Variants in LRBA observed in about 807,000 individuals in gnomAD.
LRBA encodes LPS responsive beige-like anchor protein.
Under a neutral mutation model 330.0 loss-of-function variants are expected in LRBA, and 176 were observed. That is an observed-to-expected ratio of 0.53 (90% CI 0.47 to 0.60). The LOEUF (loss-of-function observed/expected upper bound fraction) is 0.60, where lower values mean the gene tolerates loss of function less well. LRBA is among the 20% of genes least tolerant of loss of function. LRBA has a pLI of 0.00. For synonymous variants in LRBA, 1,230 were observed against 1,193.0 expected, an observed-to-expected ratio of 1.03 and a Z score of -0.64; for missense variants, 3,259 against 3,444.8, an observed-to-expected ratio of 0.95 and a Z score of 1.35.
intron 2 of LRBA, chr4:151,013,814 T>C (rs1018078824): frequency 2.6e-5 from 4 of 152,058 alleles, no homozygotes; most frequent in African/African-American, 9.7e-5. Flanking sequence ...AAAATTATAC[T>C]GTATCTGCTT....
intron 20 of LRBA, 48 bp from the exon 21 acceptor site, chr4:150,868,353 T>C: frequency 7.0e-7 from 1 of 1,421,868 alleles, no homozygotes; most frequent in Non-Finnish European, 9.6e-7. Context: ...AACAAAAAAC[T>C]CATGATAGAA....
At chr4:150,840,381 AT>A (rs1748879543) in intron 28 of LRBA, among the ~76,000 whole-genome samples, 1 of 152,146 alleles carries the variant, frequency 6.6e-6, no homozygotes, top group African/African-American at 2.4e-5. Context: ...CTAGCTTTTT[AT>A]TTAAAGTGAG....
intron 35 of LRBA, among the ~76,000 whole-genome samples, chr4:150,737,620 GA>G (rs887539822): frequency 1.1e-4 from 17 of 151,844 alleles, no homozygotes; most frequent in African/African-American, 3.9e-4. Context: ...AAAGGGTCAA[GA>G]GTATACCACT....
chr4:150,986,910 C>A (rs985059742), intron 2 of LRBA, among the ~76,000 whole-genome samples: 1 of 152,156 alleles, frequency 6.6e-6, no homozygotes, highest in African/African-American at 2.4e-5. Flanking sequence ...TCTGTGGAAA[C>A]TTCCACCTTC....
chr4:150,817,031 G>GA, intron 31 of LRBA, 93 bp downstream of exon 31: 1 of 1,051,600 alleles, frequency 9.5e-7, no homozygotes, highest in South Asian at 1.4e-5. Flanking sequence ...GGTTTCTAAT[G>GA]TGCCCCCAAA....
chr4:150,964,150 C>T (rs1285206121), intron 2 of LRBA, among the ~76,000 whole-genome samples: 1 of 148,344 alleles, frequency 6.7e-6, no homozygotes. Context: ...GCCCGGCCAG[C>T]TGCCCCGTCT....
intron 40 of LRBA, chr4:150,584,296 A>T: frequency 1.9e-6 from 1 of 537,932 alleles, no homozygotes; most frequent in Non-Finnish European, 3.1e-6. Flanking sequence ...AACAAATCAC[A>T]TTCTTGCACA....
At chr4:150,604,072 T>C (rs996491145) in intron 37 of LRBA, among the ~76,000 whole-genome samples, 1 of 152,148 alleles carries the variant, frequency 6.6e-6, no homozygotes. Flanking sequence ...AGTTAAATGA[T>C]ACAACTATAC....
At chr4:150,749,606 A>G (rs1385561874) in intron 35 of LRBA, among the ~76,000 whole-genome samples, 1 of 151,960 alleles carries the variant, frequency 6.6e-6, no homozygotes, top group Non-Finnish European at 1.5e-5. Context: ...AAAAAAAAAT[A>G]ATAATAATAG....
chr4:150,997,622 T>C (rs546104336), intron 2 of LRBA, among the ~76,000 whole-genome samples: 1 of 152,218 alleles, frequency 6.6e-6, no homozygotes, highest in East Asian at 1.9e-4. Context: ...TTGCTCTAGG[T>C]TGTTTATTTT....
intron 47 of LRBA, among the ~76,000 whole-genome samples, chr4:150,391,049 C>T (rs1743847171): frequency 6.6e-6 from 1 of 152,150 alleles, no homozygotes; most frequent in Admixed American, 6.5e-5. Flanking sequence ...GGCTAGGAGT[C>T]ACCAGGTGAT....
intron 36 of LRBA, chr4:150,720,920 T>A (rs940515087): frequency 5.6e-6 from 2 of 359,286 alleles, no homozygotes; most frequent in South Asian, 2.4e-5. Context: ...CAAAGCAATG[T>A]CTGCAAAGTT....
chr4:150,825,400 C>A (rs1365777956), intron 30 of LRBA, among the ~76,000 whole-genome samples: 1 of 151,842 alleles, frequency 6.6e-6, no homozygotes, highest in Non-Finnish European at 1.5e-5. Flanking sequence ...GAGTTTTGCT[C>A]TTGTTGCCCA....
chr4:150,644,883 C>T (rs1339692354), intron 37 of LRBA, among the ~76,000 whole-genome samples: 2 of 151,706 alleles, frequency 1.3e-5, no homozygotes, highest in African/African-American at 2.4e-5. Context: ...TGAAAATATA[C>T]GGTATTTAAA....
intron 2 of LRBA, 107 bp downstream of exon 2, chr4:151,014,320 G>A: frequency 1.2e-6 from 1 of 830,358 alleles, no homozygotes; most frequent in Non-Finnish European, 1.9e-6. Context: ...CCCTATACAC[G>A]AAAAAAGTCA....
intron 56 of LRBA, among the ~76,000 whole-genome samples, chr4:150,269,883 T>C (rs1745841551): frequency 6.6e-6 from 1 of 152,042 alleles, no homozygotes; most frequent in Admixed American, 6.6e-5. Context: ...GGTTGAGGCT[T>C]CAGTGAGCTG....
intron 4 of LRBA, among the ~76,000 whole-genome samples, chr4:150,926,262 T>G (rs1733870113): frequency 1.3e-5 from 2 of 152,144 alleles, no homozygotes; most frequent in South Asian, 2.1e-4. Flanking sequence ...AATACAGAGC[T>G]AGGAATTGTT....
At chr4:150,310,673 C>A in intron 51 of LRBA, 1 of 257,706 alleles carries the variant, frequency 3.9e-6, no homozygotes, top group Non-Finnish European at 7.4e-6. Context: ...TGGGCAGAAC[C>A]AAACTAGATT....
chr4:150,369,939 TC>T (rs1486255670), intron 47 of LRBA, among the ~76,000 whole-genome samples: 1 of 152,174 alleles, frequency 6.6e-6, no homozygotes, highest in Non-Finnish European at 1.5e-5. Flanking sequence ...ATGTTCTTGA[TC>T]TTTTTGACAG....
Sources: gnomAD v4.1 joint callset for allele counts (sites outside exome capture counted in the v4.1 genomes callset) on GRCh38, gnomAD v4.1.1 for gene constraint, MANE v1.5 for transcripts, NCBI Gene and HGNC (gene_info 2026-07-23, HGNC 2026-07-21) for gene names.